The following OCA2 variants were observed in gnomAD, a reference collection of about 807,000 sequenced individuals.
OCA2 encodes the protein OCA2 melanosomal transmembrane protein.
OCA2 carries 77 observed loss-of-function variants against 100.2 expected under a neutral mutation model. The ratio of observed to expected loss-of-function variants is 0.77; its 90% confidence interval spans 0.64 to 0.93. The LOEUF (loss-of-function observed/expected upper bound fraction) is 0.93, where lower values mean the gene tolerates loss of function less well. OCA2 is among the 40% of genes least tolerant of loss of function. OCA2 has a pLI of 0.00. For missense variants in OCA2, 1,062 were observed against 1,089.1 expected (o/e 0.98, Z 0.35); for synonymous variants, 432 against 439.2 (o/e 0.98, Z 0.21).
At chr15:27,978,888 T>C (rs563467805) in intron 14 of OCA2, among the ~76,000 whole-genome samples, 1 of 152,156 alleles carries the variant, frequency 6.6e-6, no homozygotes, top group African/African-American at 2.4e-5. Context: ...GGTTTCACCA[T>C]GTTAGCCAGG....
chr15:27,877,342 C>T (rs1203414602), intron 19 of OCA2, among the ~76,000 whole-genome samples: 4 of 151,760 alleles, frequency 2.6e-5, no homozygotes, highest in South Asian at 2.1e-4. Context: ...ATTGAATCAA[C>T]GTGGTTGATA....
intron 23 of OCA2, among the ~76,000 whole-genome samples, chr15:27,765,662 C>A (rs569371105): frequency 1.3e-5 from 2 of 152,308 alleles, no homozygotes; most frequent in East Asian, 3.9e-4. Context: ...GAGATATTTA[C>A]CAGACCTTCT....
At chr15:27,922,971 CA>C (rs2038919999) in intron 19 of OCA2, among the ~76,000 whole-genome samples, 2 of 152,156 alleles carry the variant, frequency 1.3e-5, no homozygotes, top group African/African-American at 4.8e-5. Flanking sequence ...TCCCACCTTT[CA>C]TCCTCCAGTA....
chr15:28,004,538 A>G (rs923343135), intron 9 of OCA2, among the ~76,000 whole-genome samples: 1 of 151,116 alleles, frequency 6.6e-6, no homozygotes, highest in Non-Finnish European at 1.5e-5. Context: ...TCTCACACTC[A>G]CCCTCCCTCA....
intron 14 of OCA2, among the ~76,000 whole-genome samples, chr15:27,980,982 G>C (rs1000116727): frequency 6.6e-6 from 1 of 152,162 alleles, no homozygotes; most frequent in Non-Finnish European, 1.5e-5. Flanking sequence ...CTCTCCTTCA[G>C]AGATGAGAAT....
chr15:27,992,683 CAGG>C (rs1217302446), intron 9 of OCA2, among the ~76,000 whole-genome samples: 1 of 152,208 alleles, frequency 6.6e-6, no homozygotes, highest in Non-Finnish European at 1.5e-5. Flanking sequence ...CCATGGATGA[CAGG>C]AGGAAGTCAC....
At chr15:28,007,444 G>A (rs968135154) in intron 9 of OCA2, among the ~76,000 whole-genome samples, 44 of 152,210 alleles carry the variant, frequency 2.9e-4, no homozygotes, top group African/African-American at 1.1e-3. Flanking sequence ...TACTTTACAA[G>A]GATGGGCCGG....
At chr15:27,719,558 G>C in the OCA2 span, among the ~76,000 whole-genome samples, 1 of 152,124 alleles carries the variant, frequency 6.6e-6, no homozygotes, top group Non-Finnish European at 1.5e-5. Context: ...ATGCTGCAGG[G>C]AATGTACAAT....
chr15:27,999,145 C>G (rs2041848632), intron 9 of OCA2, among the ~76,000 whole-genome samples: 1 of 152,114 alleles, frequency 6.6e-6, no homozygotes, highest in South Asian at 2.1e-4. Context: ...CACATGTATA[C>G]ATATGTAACT....
At chr15:27,989,735 G>T in intron 10 of OCA2, 69 bp from the exon 11 acceptor site, 1 of 1,367,834 alleles carries the variant, frequency 7.3e-7, no homozygotes, top group Non-Finnish European at 1.0e-6. Flanking sequence ...CTAATGAAGC[G>T]CTGCCCCCTG....
At chr15:27,845,897 G>A (rs1265476421) in intron 22 of OCA2, among the ~76,000 whole-genome samples, 1 of 152,154 alleles carries the variant, frequency 6.6e-6, no homozygotes, top group African/African-American at 2.4e-5. Flanking sequence ...GTCAGTGTGA[G>A]GGAGCAACCT....
At chr15:28,014,318 G>T (rs553661232) in intron 9 of OCA2, among the ~76,000 whole-genome samples, 1 of 152,164 alleles carries the variant, frequency 6.6e-6, no homozygotes, top group South Asian at 2.1e-4. Context: ...GTTGGTAGAC[G>T]GAACAGATAA....
intron 23 of OCA2, among the ~76,000 whole-genome samples, chr15:27,800,443 C>A (rs567282506): frequency 5.3e-5 from 8 of 151,794 alleles, no homozygotes; most frequent in Non-Finnish European, 1.0e-4. Flanking sequence ...AAACTTCTAT[C>A]AAGAATGATC....
chr15:27,828,591 TAG>T (rs547188712), intron 23 of OCA2, among the ~76,000 whole-genome samples: 343 of 152,276 alleles, frequency 2.3e-3, no homozygotes, highest in Admixed American at 4.5e-3. Context: ...TGAGTGTAGC[TAG>T]AGAGTCCCAT....
intron 5 of OCA2, among the ~76,000 whole-genome samples, chr15:28,023,341 A>AT (rs1454620985): frequency 9.8e-5 from 15 of 152,298 alleles, no homozygotes; most frequent in Non-Finnish European, 1.9e-4. Context: ...TGGGTTGGTT[A>AT]TTAAGAAGTT....
chr15:27,755,518 A>C, intron 23 of OCA2, 46 bp from the exon 24 acceptor site: 1 of 1,448,908 alleles, frequency 6.9e-7, no homozygotes, highest in Non-Finnish European at 9.7e-7. Flanking sequence ...AATCTGGATA[A>C]TCTCATGAGA....
At chr15:27,752,028 G>A (rs149235103), downstream of OCA2, among the ~76,000 whole-genome samples, 211 of 152,294 alleles carry the variant, frequency 1.4e-3, 1 homozygote, top group African/African-American at 4.8e-3. Flanking sequence ...TCTGGAAGGC[G>A]CACATGCACT....
intron 4 of OCA2, 33 bp downstream of exon 4, chr15:28,027,838 T>C: frequency 6.2e-7 from 1 of 1,609,162 alleles, no homozygotes; most frequent in Non-Finnish European, 8.5e-7. Flanking sequence ...CGGCCACCGC[T>C]GCTGCCAGGG....
intron 21 of OCA2, among the ~76,000 whole-genome samples, chr15:27,862,874 C>T (rs950071772): frequency 3.3e-5 from 5 of 152,162 alleles, no homozygotes; most frequent in Non-Finnish European, 7.3e-5. Flanking sequence ...AAAGGCATCC[C>T]GTCATTCTTT....
Sources: allele counts gnomAD v4.1 joint callset (sites outside exome capture counted in the v4.1 genomes callset), GRCh38; gene constraint gnomAD v4.1.1; transcripts MANE v1.5; gene names NCBI Gene and HGNC (gene_info 2026-07-23, HGNC 2026-07-21).